ART3: variants seen among roughly 807,000 people sequenced by gnomAD.
ART3 encodes ADP-ribosyltransferase 3 (inactive).
A neutral mutation model predicts 48.5 loss-of-function variants in ART3; 49 were observed. That is an observed-to-expected ratio of 1.01 (90% confidence interval 0.80 to 1.28). ART3 has a LOEUF of 1.28. Among genes scored for constraint, ART3 ranks in the 50% most tolerant of loss-of-function variants. The pLI is 0.00. For synonymous variants in ART3, 145 were observed against 157.2 expected (o/e 0.92, Z 0.58); for missense variants, 438 against 454.3 (o/e 0.96, Z 0.33).
intron 1 of ART3, among the ~76,000 whole-genome samples, chr4:76,066,068 A>T (rs916611556): frequency 2.0e-5 from 3 of 152,004 alleles, no homozygotes; most frequent in Non-Finnish European, 4.4e-5. Context: ...GAGAATTCAG[A>T]CTCCTGTGGC....
At chr4:76,019,261 G>C (rs1023889970) in intron 1 of ART3, among the ~76,000 whole-genome samples, 3 of 151,616 alleles carry the variant, frequency 2.0e-5, no homozygotes, top group African/African-American at 7.3e-5. Flanking sequence ...TACTATTCTG[G>C]TGATGGCTTG....
chr4:76,035,880 C>T (rs1734343345), intron 1 of ART3: 1 of 1,517,350 alleles, frequency 6.6e-7, no homozygotes, highest in African/African-American at 1.4e-5. Flanking sequence ...ACATTTGAAA[C>T]ATTAGAAAAG....
intron 2 of ART3, 61 bp from the exon 3 acceptor site, chr4:76,081,763 G>C (rs914242687): frequency 6.6e-7 from 1 of 1,515,930 alleles, no homozygotes; most frequent in Non-Finnish European, 9.0e-7. Flanking sequence ...AATAATGTGA[G>C]AGAAAATGAT....
rs1236309142 is a variant in ART3, at chr4:76,112,541, C to T, written c.*22C>T. The T allele has an allele frequency of 1.3e-6, 2 of 1,598,082 alleles. No homozygotes were observed. The highest frequency in any genetic ancestry group is 1.7e-6 in the Non-Finnish European group (2 of 1,170,776). On this transcript the variant is annotated 3_prime_UTR_variant, in exon 12 of 12. Coordinates refer to ENST00000355810, the MANE Select transcript of ART3 (RefSeq NM_001130016.3). Reference sequence around the variant, plus strand: ...GTAGTTTGATGCATTGTTTATCTTTCTTATTCTTTACTTGAAATAACTATA... The same window carrying T: ...GTAGTTTGATGCATTGTTTATCTTTTTTATTCTTTACTTGAAATAACTATA...
intron 1 of ART3, among the ~76,000 whole-genome samples, chr4:76,051,817 C>A (rs1203235975): frequency 2.6e-5 from 4 of 151,262 alleles, no homozygotes; most frequent in African/African-American, 9.7e-5. Flanking sequence ...GCTGGGATTA[C>A]TGGCATAAGC....
upstream of ART3, chr4:76,074,622 T>A (rs1720679004): frequency 6.6e-6 from 1 of 152,088 alleles, no homozygotes; most frequent in Admixed American, 6.6e-5. Flanking sequence ...GGGCCAGATA[T>A]AAATAGCAGA....
intron 11 of ART3, among the ~76,000 whole-genome samples, chr4:76,111,107 A>G (rs1477450189): frequency 6.6e-6 from 1 of 152,212 alleles, no homozygotes; most frequent in East Asian, 1.9e-4. Context: ...TCCTGTTGCT[A>G]TTGCAGTGAG....
At chr4:76,023,023 T>C (rs1560577986) in intron 1 of ART3, among the ~76,000 whole-genome samples, 1 of 152,218 alleles carries the variant, frequency 6.6e-6, no homozygotes, top group African/African-American at 2.4e-5. Context: ...TTGTTGATTA[T>C]AAAGTCAAAC....
In ART3 at chr4:76,023,624, T is replaced by G. The variant is rs1272334595; in HGVS notation, c.-10+12304T>G. On this transcript the variant is annotated intron_variant, in intron 1 of 9. Coordinates refer to the ART3 transcript ENST00000341029. ...GGCTGTTCCTGGGGAAGTCCCATGT[T>G]GCAGACTCGAAGGTATTATTTATTG... The G allele has an allele frequency of 2.3e-5, 12 of 512,742 alleles. No individual in the cohort carries two copies. The East Asian group carries it at 3.4e-4, about 14-fold the overall frequency. The allele number at this position is 512,742 out of a possible 1,614,324, so 31.8% of individuals were successfully genotyped here.
At chr4:76,051,672 T>A (rs2149456106) in intron 1 of ART3, among the ~76,000 whole-genome samples, 1 of 152,126 alleles carries the variant, frequency 6.6e-6, no homozygotes, top group East Asian at 1.9e-4. Context: ...CCTGAGTAGC[T>A]GGGACTATGG....
chr4:76,027,477 A>G (rs1282756789), intron 1 of ART3, among the ~76,000 whole-genome samples: 4 of 151,700 alleles, frequency 2.6e-5, no homozygotes, highest in Non-Finnish European at 5.9e-5. Context: ...TGTCATCAAA[A>G]AATGGTAAAG....
chr4:76,084,517 T>A (rs1246829274), intron 3 of ART3, among the ~76,000 whole-genome samples: 1 of 152,242 alleles, frequency 6.6e-6, no homozygotes, highest in Non-Finnish European at 1.5e-5. Context: ...GCCATTCTAA[T>A]TACTAAAACT....
At chr4:76,035,948 A>G (rs770143382) in intron 1 of ART3, 2 of 1,613,750 alleles carry the variant, frequency 1.2e-6, no homozygotes, top group African/African-American at 1.3e-5. Flanking sequence ...GTAGCACACA[A>G]TATCACAGCC....
chr4:76,043,874 C>G (rs1161659465), intron 1 of ART3, among the ~76,000 whole-genome samples: 1 of 151,978 alleles, frequency 6.6e-6, no homozygotes, highest in East Asian at 1.9e-4. Context: ...ACAGGACACC[C>G]CAACTGCTGT....
At chr4:76,066,665 T>TG (rs1719765260) in intron 1 of ART3, among the ~76,000 whole-genome samples, 1 of 151,958 alleles carries the variant, frequency 6.6e-6, no homozygotes, top group Non-Finnish European at 1.5e-5. Flanking sequence ...GGTTGGCCCA[T>TG]GGGTGGTCAT....
intron 3 of ART3, among the ~76,000 whole-genome samples, chr4:76,084,833 C>G (rs1723212209): frequency 6.6e-6 from 1 of 152,180 alleles, no homozygotes; most frequent in African/African-American, 2.4e-5. Flanking sequence ...TGAGGAGAAG[C>G]CATAGCTTTG....
intron 10 of ART3, chr4:76,106,053 A>G: frequency 3.0e-6 from 3 of 985,372 alleles, no homozygotes; most frequent in Non-Finnish European, 3.6e-6. Context: ...TGATGTGAAA[A>G]CAGTACACAG....
intron 10 of ART3, chr4:76,106,293 T>G (rs1186206027): frequency 1.0e-6 from 1 of 985,298 alleles, no homozygotes; most frequent in African/African-American, 1.7e-5. Context: ...TATGGTAATA[T>G]CATAATATTT....
intron 1 of ART3, among the ~76,000 whole-genome samples, chr4:76,024,878 G>C (rs1477645547): frequency 6.6e-6 from 1 of 152,162 alleles, no homozygotes; most frequent in African/African-American, 2.4e-5. Flanking sequence ...CTGGTATCAG[G>C]GGCCAAGAAT....
Sources: allele counts gnomAD v4.1 joint callset (sites outside exome capture counted in the v4.1 genomes callset), GRCh38; gene constraint gnomAD v4.1.1; transcripts MANE v1.5; gene names NCBI Gene and HGNC (gene_info 2026-07-23, HGNC 2026-07-21).